KIAA1549L: variants seen among roughly 807,000 people sequenced by gnomAD.
KIAA1549L encodes KIAA1549 like.
A neutral mutation model predicts 160.7 loss-of-function variants in KIAA1549L; 88 were observed. The ratio of observed to expected loss-of-function variants is 0.55; its 90% CI spans 0.46 to 0.65. The LOEUF (loss-of-function observed/expected upper bound fraction) is 0.65, where lower values mean the gene tolerates loss of function less well. Ranked by LOEUF, KIAA1549L falls within the 30% of genes least tolerant of loss-of-function variation. The probability of loss-of-function intolerance (pLI) is 0.00; values close to 1 mark genes in which losing one functional copy is unlikely to be tolerated. For missense variants in KIAA1549L, 2,258 were observed against 2,437.5 expected (o/e 0.93, Z 1.55); for synonymous variants, 950 against 976.7 (o/e 0.97, Z 0.51).
chr11:33,531,423 G>A (rs1299340770), intron 1 of KIAA1549L, among the ~76,000 whole-genome samples: 3 of 152,046 alleles, frequency 2.0e-5, no homozygotes, highest in Non-Finnish European at 2.9e-5. Context: ...TGCAGGAGCC[G>A]AGATTGCGCC....
Position 33,591,395 on chromosome 11 carries a change from C to G in KIAA1549L, c.4725C>G (p.Thr1575=). 2 of 1,606,560 alleles carry G rather than the reference C, an allele frequency of 1.2e-6. No individual in the cohort carries two copies. Among genetic ancestry groups the G allele is most frequent in the Non-Finnish European group, 1.7e-6 (2 of 1,174,400 alleles). ...CTCAGGATGGAAGCACCATCAAGACCGCCAAATCCACTGAAACCAGGAAGA... is the reference window on the plus strand; with the variant it reads ...CTCAGGATGGAAGCACCATCAAGACGGCCAAATCCACTGAAACCAGGAAGA... ...DVAQDGSTIK[T]AKSTETRKSR... The change falls in exon 12 of 21, where the codon ACC becomes ACG. Residue 1575 remains threonine, a synonymous_variant. Coordinates refer to ENST00000658780, the MANE Select transcript of KIAA1549L (RefSeq NM_012194.3).
chr11:33,452,811 G>A (rs1054958928), intron 1 of KIAA1549L, among the ~76,000 whole-genome samples: 1 of 152,094 alleles, frequency 6.6e-6, no homozygotes, highest in Non-Finnish European at 1.5e-5. Context: ...GCACTTTGTG[G>A]ATCTTCCTGT....
chr11:33,526,051 G>C (rs118063853), intron 1 of KIAA1549L, among the ~76,000 whole-genome samples: 33 of 152,160 alleles, frequency 2.2e-4, no homozygotes, highest in Admixed American at 3.9e-4. Flanking sequence ...ACCCACCCTG[G>C]TAGCCGAAGA....
chr11:33,595,668 A>G (rs186063533), intron 12 of KIAA1549L, among the ~76,000 whole-genome samples: 2 of 152,324 alleles, frequency 1.3e-5, no homozygotes, highest in Admixed American at 1.3e-4. Flanking sequence ...TTTTCAAAAC[A>G]TCAAAGTCAA....
chr11:33,530,428 AAAAAAAAAATAT>A (rs1483722006), intron 1 of KIAA1549L, among the ~76,000 whole-genome samples: 8 of 20,540 alleles, frequency 3.9e-4, no homozygotes, highest in East Asian at 1.0e-3. Context: ...AAAAAAAAAA[AAAAAAAAAATAT>A]ATATATATAT....
chr11:33,624,281 C>T (rs781347133), intron 16 of KIAA1549L, among the ~76,000 whole-genome samples: 5 of 152,206 alleles, frequency 3.3e-5, no homozygotes, highest in Non-Finnish European at 5.9e-5. Context: ...CAAGAGCTGA[C>T]ATCTGAGGAC....
chr11:33,393,209 C>A (rs1850305500), intron 1 of KIAA1549L, among the ~76,000 whole-genome samples: 1 of 152,154 alleles, frequency 6.6e-6, no homozygotes, highest in Admixed American at 6.5e-5. Context: ...ACATTTTATT[C>A]TTTCTGCCTG....
intron 1 of KIAA1549L, among the ~76,000 whole-genome samples, chr11:33,527,708 T>G (rs1853645858): frequency 6.6e-6 from 1 of 151,962 alleles, no homozygotes; most frequent in African/African-American, 2.4e-5. Flanking sequence ...ATATCCAGAA[T>G]CTACAAGGAA....
chr11:33,483,288 G>T (rs1852451270), intron 1 of KIAA1549L, among the ~76,000 whole-genome samples: 1 of 152,164 alleles, frequency 6.6e-6, no homozygotes, highest in Non-Finnish European at 1.5e-5. Context: ...TATCTTGTTT[G>T]AGGGGTAGAC....
chr11:33,426,457 T>C (rs1176830145), intron 1 of KIAA1549L, among the ~76,000 whole-genome samples: 1 of 152,126 alleles, frequency 6.6e-6, no homozygotes, highest in Non-Finnish European at 1.5e-5. Context: ...TGACCATAAA[T>C]TGAGAGCAAG....
intron 8 of KIAA1549L, among the ~76,000 whole-genome samples, chr11:33,564,457 TG>T (rs1419203170): frequency 2.6e-5 from 4 of 152,202 alleles, no homozygotes; most frequent in African/African-American, 9.6e-5. Context: ...CCTCAGAGGG[TG>T]GGTCCCTTCT....
At chr11:33,426,990 A>C (rs1590236030) in intron 1 of KIAA1549L, among the ~76,000 whole-genome samples, 1 of 152,258 alleles carries the variant, frequency 6.6e-6, no homozygotes, top group Admixed American at 6.5e-5. Flanking sequence ...CTGTGGTCAA[A>C]TGTGTTTTGG....
At chr11:33,618,451 G>A in intron 15 of KIAA1549L, 82 bp from the exon 16 acceptor site, 1 of 1,294,138 alleles carries the variant, frequency 7.7e-7, no homozygotes, top group Non-Finnish European at 1.1e-6. Context: ...ACCCTTCATT[G>A]GTTGCCTGTA....
intron 1 of KIAA1549L, among the ~76,000 whole-genome samples, chr11:33,445,663 T>A (rs1038592959): frequency 1.3e-5 from 2 of 152,238 alleles, no homozygotes; most frequent in Non-Finnish European, 2.9e-5. Flanking sequence ...GCTCTGTTAC[T>A]TGCGGTGTGA....
intron 1 of KIAA1549L, among the ~76,000 whole-genome samples, chr11:33,393,605 G>A (rs12291056): frequency 0.082 from 12,516 of 152,270 alleles, 1,002 homozygotes; most frequent in East Asian, 0.25. Context: ...TAGAGAAAGA[G>A]GGAGGAAGAT....
intron 1 of KIAA1549L, among the ~76,000 whole-genome samples, chr11:33,447,683 G>C (rs1019952714): frequency 6.6e-6 from 1 of 150,846 alleles, no homozygotes; most frequent in Non-Finnish European, 1.5e-5. Context: ...TTTCTTCATA[G>C]CATTAATTAC....
At position 33,504,260 on chromosome 11, in the gene KIAA1549L, T is replaced by TA. The variant is rs545718717; in HGVS notation, c.239-37530dup. Among the ~76,000 whole-genome samples, 695 of 147,404 alleles carry TA rather than the reference T, an allele frequency of 4.7e-3. 8 individuals are homozygous for TA. The highest frequency in any genetic ancestry group is 0.015 in the African/African-American group (617 of 40,434). On this transcript the variant is annotated intron_variant, in intron 1 of 20. Transcript: ENST00000658780. ...TGGGCGACAGAGCGAGACTCTGTCT[T>TA]AAAAAAAAAAAATCTTAATCATGTA... is the stretch of plus-strand genomic sequence containing the variant.
intron 1 of KIAA1549L, among the ~76,000 whole-genome samples, chr11:33,470,776 G>C (rs1009561920): frequency 6.6e-6 from 1 of 152,112 alleles, no homozygotes; most frequent in African/African-American, 2.4e-5. Context: ...TAAAATCCAG[G>C]AAGTTAGAGT....
chr11:33,544,673 C>T (rs976683776), intron 2 of KIAA1549L, 94 bp from the exon 3 acceptor site: 12 of 1,472,408 alleles, frequency 8.1e-6, no homozygotes, highest in Middle Eastern at 1.8e-4. Context: ...AGACTTCACC[C>T]TAGCAAATCC....
Sources: allele counts gnomAD v4.1 joint callset (sites outside exome capture counted in the v4.1 genomes callset), GRCh38; gene constraint gnomAD v4.1.1; transcripts MANE v1.5; gene names NCBI Gene and HGNC (gene_info 2026-07-23, HGNC 2026-07-21).